The following STIMATE variants were observed in gnomAD, a reference collection of about 807,000 sequenced individuals.
The protein encoded by STIMATE is store-operated calcium entry regulator STIMATE.
In STIMATE, 15 loss-of-function variants were observed where a neutral mutation model predicts 36.7. The ratio of observed to expected loss-of-function variants is 0.41; its 90% CI spans 0.27 to 0.63. STIMATE has a LOEUF of 0.63. Ranked by LOEUF, STIMATE falls within the 20% of genes least tolerant of loss-of-function variation. The probability of loss-of-function intolerance (pLI) is 0.32; values close to 1 mark genes in which losing one functional copy is unlikely to be tolerated. For synonymous variants in STIMATE, 163 were observed against 162.3 expected (o/e 1.00, Z -0.03); for missense variants, 305 against 397.3 (o/e 0.77, Z 1.98).
At chr3:52,889,414 T>C (rs1701745796) in intron 1 of STIMATE, among the ~76,000 whole-genome samples, 1 of 152,202 alleles carries the variant, frequency 6.6e-6, no homozygotes, top group South Asian at 2.1e-4. Flanking sequence ...GTGTGGACTA[T>C]GGCAGACAAT....
intron 1 of STIMATE, among the ~76,000 whole-genome samples, chr3:52,891,407 G>A (rs1265589253): frequency 1.3e-5 from 2 of 152,224 alleles, no homozygotes; most frequent in Admixed American, 6.5e-5. Context: ...AAAAGAGGCC[G>A]GCTCCAGGGG....
chr3:52,843,859 G>C, intron 5 of STIMATE, 61 bp from the exon 6 acceptor site: 1 of 1,604,500 alleles, frequency 6.2e-7, no homozygotes, highest in Non-Finnish European at 8.5e-7. Context: ...GCCTGGGGTG[G>C]GTGGGTGGTA....
intron 2 of STIMATE, among the ~76,000 whole-genome samples, chr3:52,853,619 C>T (rs933170869): frequency 2.7e-5 from 4 of 148,094 alleles, no homozygotes; most frequent in Non-Finnish European, 4.5e-5. Flanking sequence ...CAAAGGACAA[C>T]GTATGTAAGA....
chr3:52,870,773 T>C (rs1339772728), intron 1 of STIMATE, among the ~76,000 whole-genome samples: 1 of 151,942 alleles, frequency 6.6e-6, no homozygotes, highest in Non-Finnish European at 1.5e-5. Context: ...CACGGCAGGA[T>C]TGACAGGGAG....
At chr3:52,896,406 A>G (rs1420584801) in intron 1 of STIMATE, among the ~76,000 whole-genome samples, 1 of 152,152 alleles carries the variant, frequency 6.6e-6, no homozygotes, top group Non-Finnish European at 1.5e-5. Flanking sequence ...TTACATGTCG[A>G]GCAAAACTTC....
rs780609601 is a variant in STIMATE at position 52,844,928 on chromosome 3, C to T, written c.441G>A (p.Gln147=). 5.6e-6 allele frequency: 9 copies of T among 1,613,788 alleles called. No homozygotes were observed. The South Asian group carries it at 8.8e-5, about 16-fold the overall frequency. Residue 147 remains glutamine, a synonymous_variant, in exon 5 of 8, where the codon CAG becomes CAA. Coordinates refer to ENST00000355083, the MANE Select transcript of STIMATE (RefSeq NM_198563.5). ...CGCACTGCCCGACCCAGGCTCCACACTGCAGAGGGTCTCCTGCAGGGACAG... is the reference window on the plus strand; with the variant it reads ...CGCACTGCCCGACCCAGGCTCCACATTGCAGAGGGTCTCCTGCAGGGACAG... The part of the protein sequence containing the change: ...LRFGEYGDPL[Q]CGAWVGQCAL...
chr3:52,888,407 G>A (rs941740618), intron 1 of STIMATE, among the ~76,000 whole-genome samples: 11 of 152,330 alleles, frequency 7.2e-5, no homozygotes, highest in African/African-American at 2.6e-4. Flanking sequence ...CCTGCTCGAT[G>A]TAACCACCTG....
chr3:52,880,646 T>C (rs1190847818), intron 1 of STIMATE, among the ~76,000 whole-genome samples: 5 of 152,086 alleles, frequency 3.3e-5, no homozygotes, highest in Middle Eastern at 3.4e-3. Context: ...AAAGGGCTCA[T>C]AGGAAAAGGG....
Position 52,843,818 on chromosome 3 carries a change from C to A in STIMATE, c.541-20G>T, listed in dbSNP as rs1700849980. 1.9e-6 allele frequency: 3 copies of A among 1,609,884 alleles called. No homozygotes were observed. The highest frequency in any genetic ancestry group is 1.7e-4 in the Middle Eastern group (1 of 6,044). ...GGCCACCTGTAAAGAGAAGCAGACT[C>A]AGTGAGGTAGGGAGAGGCCACCGAG... On this transcript the variant is annotated intron_variant, in intron 5 of 7. Coordinates refer to ENST00000355083, the MANE Select transcript of STIMATE (RefSeq NM_198563.5).
intron 3 of STIMATE, among the ~76,000 whole-genome samples, chr3:52,850,861 T>C (rs1486606976): frequency 6.6e-6 from 1 of 152,220 alleles, no homozygotes; most frequent in Non-Finnish European, 1.5e-5. Flanking sequence ...CCCAAGTAGC[T>C]GGGATTACAG....
At position 52,843,770 on chromosome 3, in the gene STIMATE, G is replaced by C; in HGVS notation, c.569C>G (p.Pro190Arg). Residue 190 changes from proline to arginine, a missense_variant, in exon 6 of 8, where the codon CCA (proline) becomes CGA (arginine). This residue lies in a region of STIMATE where 164 missense variants were observed against 257.9 expected (regional missense o/e 0.64). Coordinates refer to ENST00000355083, the MANE Select transcript of STIMATE (RefSeq NM_198563.5). ...CATGACGATGGCCAGCTTCAAGTCT[G>C]GGTTTTCAATGGGATTCAACAGGGC... ...KVALLNPIEN[P>R]DLKLAIVMLI... The C allele has an allele frequency of 6.2e-7, 1 of 1,614,066 alleles. No homozygotes were observed. Among genetic ancestry groups the C allele is most frequent in the Non-Finnish European group, 8.5e-7 (1 of 1,180,020 alleles).
intron 1 of STIMATE, among the ~76,000 whole-genome samples, chr3:52,894,464 G>A (rs1399799101): frequency 6.6e-6 from 1 of 152,176 alleles, no homozygotes; most frequent in Non-Finnish European, 1.5e-5. Flanking sequence ...GCACCAGAAT[G>A]AGAAATTCTT....
chr3:52,857,704 T>C (rs1159649130), intron 1 of STIMATE, among the ~76,000 whole-genome samples: 2 of 150,794 alleles, frequency 1.3e-5, no homozygotes, highest in African/African-American at 4.9e-5. Flanking sequence ...ATAAATGGTT[T>C]TATAATTATA....
chr3:52,857,839 T>G (rs1017502669), intron 1 of STIMATE, among the ~76,000 whole-genome samples: 1 of 152,072 alleles, frequency 6.6e-6, no homozygotes, highest in Admixed American at 6.6e-5. Flanking sequence ...CAAAGTCATC[T>G]GTTGAAGTCC....
rs957262050 is a variant in STIMATE, at chr3:52,847,139, G to A, written c.428-2198C>T. 5.7e-5 allele frequency: 47 copies of A among 819,026 alleles called. No homozygotes were observed. The African/African-American group carries it at 8.0e-4, about 14-fold the overall frequency. The allele number at this position is 819,026 out of a possible 1,614,324, so 50.7% of individuals were successfully genotyped here. On this transcript the variant is annotated intron_variant, in intron 4 of 7. Coordinates refer to ENST00000355083, the MANE Select transcript of STIMATE (RefSeq NM_198563.5). ...TTCCAAGGCTGGTCTTAAGCTCCTG[G>A]GCTCAAGCGATCCTCCCCGCTTAAG...
chr3:52,862,329 C>T (rs1008363751), intron 1 of STIMATE, among the ~76,000 whole-genome samples: 3 of 152,212 alleles, frequency 2.0e-5, no homozygotes, highest in Admixed American at 6.5e-5. Flanking sequence ...TAACAGGCTT[C>T]CCTGCTCCGA....
intron 2 of STIMATE, 126 bp from the exon 3 acceptor site, chr3:52,852,824 T>C: frequency 8.4e-7 from 1 of 1,184,416 alleles, no homozygotes; most frequent in Non-Finnish European, 1.2e-6. Flanking sequence ...TATCTCTTCC[T>C]GGGGCCTTGA....
chr3:52,868,458 A>G (rs1391116788), intron 1 of STIMATE, among the ~76,000 whole-genome samples: 3 of 152,158 alleles, frequency 2.0e-5, no homozygotes, highest in Admixed American at 2.0e-4. Context: ...ATCTAGTTCC[A>G]GCTTTATCCA....
chr3:52,856,169 A>G (rs1701091108), intron 1 of STIMATE, among the ~76,000 whole-genome samples: 1 of 152,228 alleles, frequency 6.6e-6, no homozygotes, highest in African/African-American at 2.4e-5. Flanking sequence ...AGCATGGCAG[A>G]GTGTGTCTGG....
Sources: gnomAD v4.1 joint callset for allele counts (sites outside exome capture counted in the v4.1 genomes callset) on GRCh38, gnomAD v4.1.1 for gene constraint, gnomAD v4.1.1 regional missense constraint, MANE v1.5 for transcripts, NCBI Gene and HGNC (gene_info 2026-07-23, HGNC 2026-07-21) for gene names.